The following TXNRD1 variants were observed in gnomAD, a reference collection of about 807,000 sequenced individuals.
The protein encoded by TXNRD1 is thioredoxin reductase 1, cytoplasmic.
Under a neutral mutation model 80.3 loss-of-function variants are expected in TXNRD1, and 57 were observed. The ratio of observed to expected loss-of-function variants is 0.71; its 90% CI spans 0.57 to 0.89. The LOEUF is 0.89. Among genes scored for constraint, TXNRD1 ranks in the 40% least tolerant of loss-of-function variants. TXNRD1 has a pLI of 0.00. For synonymous variants in TXNRD1, 291 were observed against 285.2 expected, an observed-to-expected ratio of 1.02 and a Z score of -0.20; for missense variants, 730 against 803.0, an observed-to-expected ratio of 0.91 and a Z score of 1.10.
rs560076829 is a variant in TXNRD1 at position 104,249,702 on chromosome 12, A to G, written c.92-1825A>G. Among the ~76,000 whole-genome samples the G allele has an allele frequency of 1.1e-4, 17 of 152,150 alleles. 1 individual carries two copies. The South Asian group carries it at 1.5e-3, about 13-fold the overall frequency. On this transcript the variant is annotated intron_variant, in intron 1 of 16. Coordinates refer to ENST00000525566, the MANE Select transcript of TXNRD1 (RefSeq NM_001093771.3). The stretch of plus-strand genomic sequence containing the variant: ...TGTAATCTTAGCACTTTGGGAGGCC[A>G]AGGTGGGCAGATCACGAGGTCAGGA...
At chr12:104,319,235 G>A (rs372808693) in intron 8 of TXNRD1, among the ~76,000 whole-genome samples, 180 bp downstream of exon 8, 2 of 152,294 alleles carry the variant, frequency 1.3e-5, no homozygotes, top group South Asian at 2.1e-4. Flanking sequence ...ATGGTAAAGT[G>A]TAAGTATGCT....
At chr12:104,270,098 A>G (rs764372547) in intron 3 of TXNRD1, among the ~76,000 whole-genome samples, 1 of 152,198 alleles carries the variant, frequency 6.6e-6, no homozygotes, top group South Asian at 2.1e-4. Context: ...AAAGTTACTC[A>G]TAAGGGTTGG....
chr12:104,265,026 G>A (rs913924792), intron 3 of TXNRD1, among the ~76,000 whole-genome samples: 114 of 152,156 alleles, frequency 7.5e-4, no homozygotes, highest in African/African-American at 2.7e-3. Flanking sequence ...GGCTGAGGCA[G>A]GCAGATCATG....
chr12:104,316,273 G>C (rs942230151), intron 7 of TXNRD1, among the ~76,000 whole-genome samples: 3 of 151,446 alleles, frequency 2.0e-5, no homozygotes, highest in African/African-American at 7.3e-5. Flanking sequence ...TGATGTTTGT[G>C]GGGGGTGGGG....
intron 2 of TXNRD1, among the ~76,000 whole-genome samples, chr12:104,254,644 A>AAAAAAAAAAAAAAAAAAATAT: frequency 1.2e-3 from 108 of 93,572 alleles, no homozygotes; most frequent in Non-Finnish European, 1.8e-3. Flanking sequence ...AAAAAAAAAA[A>AAAAAAAAAAAAAAAAAAATAT]ATATATATAT....
intron 3 of TXNRD1, chr12:104,280,657 G>A (rs1166590574): frequency 6.6e-6 from 1 of 152,170 alleles, no homozygotes; most frequent in Non-Finnish European, 1.5e-5. Context: ...TTTGAGTAAA[G>A]CTAGTGACCC....
At chr12:104,267,645 G>GTGTCTTTCTTTC (rs1565869947) in intron 3 of TXNRD1, among the ~76,000 whole-genome samples, 1 of 103,506 alleles carries the variant, frequency 9.7e-6, no homozygotes, top group African/African-American at 3.7e-5. Context: ...AGATGTGATG[G>GTGTCTTTCTTTC]TATCTTTCTT....
At chr12:104,243,491 G>A (rs1303366600) in intron 1 of TXNRD1, among the ~76,000 whole-genome samples, 1 of 152,108 alleles carries the variant, frequency 6.6e-6, no homozygotes, top group Non-Finnish European at 1.5e-5. Flanking sequence ...AGTAATATTT[G>A]TGTGTCTTGT....
chr12:104,230,909 G>A (rs1228880611), intron 1 of TXNRD1, among the ~76,000 whole-genome samples: 1 of 152,168 alleles, frequency 6.6e-6, no homozygotes, highest in East Asian at 1.9e-4. Flanking sequence ...ATATGCAAAT[G>A]CAGGGCGCCA....
chr12:104,344,727 T>G (rs930893822), intron 16 of TXNRD1, among the ~76,000 whole-genome samples: 2 of 152,204 alleles, frequency 1.3e-5, no homozygotes, highest in African/African-American at 2.4e-5. Flanking sequence ...CCCTATCTCC[T>G]TCTCCCAACC....
intron 16 of TXNRD1, among the ~76,000 whole-genome samples, chr12:104,345,130 T>C (rs536967911): frequency 2.6e-5 from 4 of 152,342 alleles, no homozygotes; most frequent in South Asian, 2.1e-4. Context: ...ATTTTAACAA[T>C]AATTTGACAG....
intron 16 of TXNRD1, among the ~76,000 whole-genome samples, chr12:104,344,535 C>A (rs993476495): frequency 1.3e-5 from 2 of 152,100 alleles, no homozygotes; most frequent in African/African-American, 4.8e-5. Flanking sequence ...TTATAGTGAT[C>A]AGATTAGGGT....
chr12:104,295,580 G>A (rs776362147), intron 4 of TXNRD1, among the ~76,000 whole-genome samples: 1 of 152,074 alleles, frequency 6.6e-6, no homozygotes, highest in Non-Finnish European at 1.5e-5. Flanking sequence ...GGAGGCTCCC[G>A]GGACTATCAT....
chr12:104,324,016 T>C (rs1230978887), intron 10 of TXNRD1, among the ~76,000 whole-genome samples: 1 of 152,044 alleles, frequency 6.6e-6, no homozygotes, highest in Non-Finnish European at 1.5e-5. Context: ...GGGGAGAGGG[T>C]ACATTTTGGA....
intron 9 of TXNRD1, 117 bp from the exon 10 acceptor site, chr12:104,320,974 G>GT: frequency 1.3e-6 from 1 of 744,888 alleles, no homozygotes; most frequent in East Asian, 2.5e-5. Flanking sequence ...CTAGTAGAAT[G>GT]TTTATCATCT....
At chr12:104,329,572 T>C (rs1281697013) in intron 13 of TXNRD1, among the ~76,000 whole-genome samples, 4 of 151,878 alleles carry the variant, frequency 2.6e-5, no homozygotes, top group African/African-American at 9.7e-5. Context: ...TCACCCGAAC[T>C]TGGGAGGTGA....
intron 1 of TXNRD1, among the ~76,000 whole-genome samples, chr12:104,232,249 G>A (rs552716666): frequency 6.6e-6 from 1 of 152,214 alleles, no homozygotes; most frequent in East Asian, 1.9e-4. Flanking sequence ...GATAAACTTG[G>A]AGCTCCTGGC....
At chr12:104,316,687 T>C (rs4477504) in intron 7 of TXNRD1, among the ~76,000 whole-genome samples, 127,153 of 152,184 alleles carry the variant, frequency 0.84, 53,229 homozygotes, top group Non-Finnish European at 0.86. Context: ...CCGTGCCTGG[T>C]GGAATTGTTA....
At chr12:104,334,381 T>G in intron 15 of TXNRD1, 49 bp downstream of exon 15, 1 of 1,243,922 alleles carries the variant, frequency 8.0e-7, no homozygotes, top group Non-Finnish European at 1.1e-6. Context: ...AGTTGTTGTT[T>G]TTTGTTGTTG....
Sources: gnomAD v4.1 joint callset for allele counts (sites outside exome capture counted in the v4.1 genomes callset) on GRCh38, gnomAD v4.1.1 for gene constraint, MANE v1.5 for transcripts, NCBI Gene and HGNC (gene_info 2026-07-23, HGNC 2026-07-21) for gene names.